Variants in DOCK2 observed in about 807,000 individuals in gnomAD.
DOCK2 encodes dedicator of cytokinesis protein 2.
A neutral mutation model predicts 248.9 loss-of-function variants in DOCK2; 87 were observed. The ratio of observed to expected loss-of-function variants is 0.35; its 90% confidence interval spans 0.29 to 0.42. The LOEUF is 0.42. Ranked by LOEUF, DOCK2 falls within the 10% of genes least tolerant of loss-of-function variation. DOCK2 has a pLI of 1.00. For missense variants in DOCK2, 1,747 were observed against 2,300.2 expected (o/e 0.76, Z 4.92); for synonymous variants, 805 against 821.6 (o/e 0.98, Z 0.35).
At chr5:169,852,001 A>G (rs1680571) in intron 27 of DOCK2, among the ~76,000 whole-genome samples, 105,079 of 152,102 alleles carry the variant, frequency 0.69, 37,457 homozygotes, top group African/African-American at 0.88. Flanking sequence ...GAGTAGGTAA[A>G]TTCAGGCCCT....
chr5:169,935,117 G>A (rs1169397168), intron 27 of DOCK2, among the ~76,000 whole-genome samples: 1 of 152,236 alleles, frequency 6.6e-6, no homozygotes, highest in Non-Finnish European at 1.5e-5. Flanking sequence ...GCAAGATTTG[G>A]ATAGAAGGAC....
At chr5:169,983,259 A>G in intron 28 of DOCK2, 93 bp downstream of exon 28, 1 of 1,294,990 alleles carries the variant, frequency 7.7e-7, no homozygotes, top group Non-Finnish European at 1.1e-6. Flanking sequence ...TGTCTATCAC[A>G]TAATCTAGAT....
chr5:170,055,435 G>T, intron 42 of DOCK2, 49 bp downstream of exon 42: 1 of 1,565,006 alleles, frequency 6.4e-7, no homozygotes, highest in South Asian at 1.1e-5. Context: ...AGAACCCATT[G>T]GGGCCACCAA....
At chr5:170,077,919 A>T in intron 48 of DOCK2, 82 bp downstream of exon 48, 1 of 1,167,620 alleles carries the variant, frequency 8.6e-7, no homozygotes, top group Non-Finnish European at 1.2e-6. Context: ...TTCTCCGGCA[A>T]CATCCCTTCT....
chr5:170,036,608 G>C (rs1756332389), intron 36 of DOCK2, 53 bp downstream of exon 36: 1 of 1,572,400 alleles, frequency 6.4e-7, no homozygotes, highest in African/African-American at 1.4e-5. Context: ...TTCCTGCTCA[G>C]TATCCATCGA....
chr5:170,080,446 C>A, intron 50 of DOCK2, 163 bp downstream of exon 50: 1 of 1,081,454 alleles, frequency 9.2e-7, no homozygotes, highest in Non-Finnish European at 1.3e-6. Flanking sequence ...TCTCTCCCCA[C>A]ACCCACCACT....
chr5:169,904,199 CT>C (rs1774141349), intron 27 of DOCK2, among the ~76,000 whole-genome samples: 1 of 151,946 alleles, frequency 6.6e-6, no homozygotes, highest in Non-Finnish European at 1.5e-5. Context: ...CTGACCTAGC[CT>C]TTGGCAAGAA....
intron 33 of DOCK2, among the ~76,000 whole-genome samples, chr5:170,021,087 T>C (rs1755706388): frequency 6.6e-6 from 1 of 152,232 alleles, no homozygotes; most frequent in African/African-American, 2.4e-5. Context: ...GAGGTAGCAT[T>C]ATAGGGACTC....
chr5:170,020,608 A>G (rs1480561368), intron 33 of DOCK2, among the ~76,000 whole-genome samples: 6 of 152,392 alleles, frequency 3.9e-5, no homozygotes, highest in Non-Finnish European at 7.3e-5. Context: ...AAAGATGAAA[A>G]GAAACTGAGA....
At chr5:169,929,957 ACT>A (rs1775666038) in intron 27 of DOCK2, among the ~76,000 whole-genome samples, 1 of 152,110 alleles carries the variant, frequency 6.6e-6, no homozygotes, top group African/African-American at 2.4e-5. Flanking sequence ...GGCTAATGTG[ACT>A]GAAGAATAGA....
At chr5:169,987,032 A>G (rs115356027) in intron 29 of DOCK2, among the ~76,000 whole-genome samples, 2,254 of 152,336 alleles carry the variant, frequency 0.015, 52 homozygotes, top group African/African-American at 0.05. Flanking sequence ...TAACTGAAAG[A>G]GCCCTGAGGT....
intron 50 of DOCK2, chr5:170,081,521 G>C: frequency 3.4e-6 from 1 of 291,256 alleles, no homozygotes; most frequent in Non-Finnish European, 6.4e-6. Flanking sequence ...GGGAGCTGGA[G>C]GAAGAGTAAG....
At chr5:170,026,811 G>A (rs1755933465) in intron 33 of DOCK2, among the ~76,000 whole-genome samples, 1 of 152,148 alleles carries the variant, frequency 6.6e-6, no homozygotes, top group Non-Finnish European at 1.5e-5. Context: ...CTTGCTTTCT[G>A]ATCACTTACC....
At chr5:169,853,044 C>A (rs1770696472) in intron 27 of DOCK2, among the ~76,000 whole-genome samples, 9 of 152,166 alleles carry the variant, frequency 5.9e-5, no homozygotes, top group Admixed American at 4.6e-4. Flanking sequence ...ATTGAATCAG[C>A]CAGGCAGGTC....
chr5:170,032,815 C>G (rs185245655), intron 34 of DOCK2, among the ~76,000 whole-genome samples: 2 of 152,146 alleles, frequency 1.3e-5, no homozygotes, highest in Non-Finnish European at 2.9e-5. Flanking sequence ...AGGAAATGAC[C>G]CTCAGAAGTC....
intron 25 of DOCK2, among the ~76,000 whole-genome samples, chr5:169,797,224 G>C (rs898457498): frequency 6.6e-6 from 1 of 152,186 alleles, no homozygotes; most frequent in South Asian, 2.1e-4. Flanking sequence ...GTGGGGAAGA[G>C]GGTCAATTCA....
At chr5:170,055,418 G>A in intron 42 of DOCK2, 32 bp downstream of exon 42, 1 of 1,607,728 alleles carries the variant, frequency 6.2e-7, no homozygotes, top group Non-Finnish European at 8.5e-7. Flanking sequence ...GAAGAAGGAT[G>A]GGGAAGAGAA....
chr5:169,668,515 AG>A (rs1429933289), intron 2 of DOCK2, among the ~76,000 whole-genome samples: 1 of 152,158 alleles, frequency 6.6e-6, no homozygotes, highest in African/African-American at 2.4e-5. Flanking sequence ...GGGGTCTGCT[AG>A]TGAGGCTCCT....
intron 12 of DOCK2, 130 bp downstream of exon 12, chr5:169,699,588 G>T: frequency 1.1e-6 from 1 of 875,538 alleles, no homozygotes; most frequent in East Asian, 2.7e-5. Context: ...TGGGAAGAAT[G>T]GGAACATATG....
Sources: gnomAD v4.1 joint callset for allele counts (sites outside exome capture counted in the v4.1 genomes callset) on GRCh38, gnomAD v4.1.1 for gene constraint, MANE v1.5 for transcripts, NCBI Gene and HGNC (gene_info 2026-07-23, HGNC 2026-07-21) for gene names.